SOCS2: variants seen among roughly 807,000 people sequenced by gnomAD.
SOCS2 encodes suppressor of cytokine signaling 2.
Under a neutral mutation model 18.6 loss-of-function variants are expected in SOCS2, and 10 were observed. The ratio of observed to expected loss-of-function variants is 0.54; its 90% CI spans 0.33 to 0.91. The LOEUF (loss-of-function observed/expected upper bound fraction) is 0.91. SOCS2 is among the 40% of genes least tolerant of loss of function. The probability of loss-of-function intolerance (pLI) is 0.02; values close to 1 mark genes in which losing one functional copy is unlikely to be tolerated. For synonymous variants in SOCS2, 104 were observed against 104.0 expected, an observed-to-expected ratio of 1.00 and a Z score of 0.00; for missense variants, 231 against 247.2, an observed-to-expected ratio of 0.93 and a Z score of 0.44.
chr12:93,573,034 CAGGT>C lies in SOCS2; in HGVS notation c.139+2_139+5del. The C allele has an allele frequency of 6.4e-7, 1 of 1,564,540 alleles. No individual in the cohort carries two copies. The highest frequency in any genetic ancestry group is 8.6e-7 in the Non-Finnish European group (1 of 1,159,726). Reference sequence around the variant, plus strand: ...AAGGCCCTGCGGGAGCTCGGTCAGACAGGTAGGGAGCCGATCGGCCGCGACGCGT... The same window carrying C: ...AAGGCCCTGCGGGAGCTCGGTCAGACAGGGAGCCGATCGGCCGCGACGCGT... On this transcript the variant is annotated splice_donor_variant and coding_sequence_variant, in exon 1 of 2. Transcript: ENST00000551556. LOFTEE classifies it high-confidence loss of function.
downstream of SOCS2, among the ~76,000 whole-genome samples, chr12:93,587,201 C>T (rs1034778722): frequency 1.3e-5 from 2 of 151,906 alleles, no homozygotes; most frequent in Non-Finnish European, 2.9e-5. Context: ...TAGTCCCCGA[C>T]CTCAAGGAGA....
chr12:93,612,149 A>G, the SOCS2 span, among the ~76,000 whole-genome samples: 1 of 152,168 alleles, frequency 6.6e-6, no homozygotes, highest in Middle Eastern at 3.2e-3. Flanking sequence ...ATGTATCTAA[A>G]CTGCTAAACA....
At chr12:93,593,220 G>A in the SOCS2 span, among the ~76,000 whole-genome samples, 5 of 152,118 alleles carry the variant, frequency 3.3e-5, no homozygotes, top group East Asian at 1.9e-4. Flanking sequence ...TTATTATCAC[G>A]CTGACCCGAC....
At chr12:93,581,651 T>G (rs996731641), downstream of SOCS2, among the ~76,000 whole-genome samples, 13 of 152,174 alleles carry the variant, frequency 8.5e-5, no homozygotes, top group Admixed American at 5.2e-4. Context: ...CGTTCATTTA[T>G]CTCATTAGTT....
chr12:93,590,375 A>G, the SOCS2 span, among the ~76,000 whole-genome samples: 1 of 152,202 alleles, frequency 6.6e-6, no homozygotes, highest in Non-Finnish European at 1.5e-5. Context: ...TTTTCCAATA[A>G]CATTTCTCAA....
the SOCS2 span, among the ~76,000 whole-genome samples, chr12:93,590,613 G>T: frequency 6.6e-6 from 1 of 151,334 alleles, no homozygotes; most frequent in Non-Finnish European, 1.5e-5. Flanking sequence ...TGGCCAACAT[G>T]GTGAAACCTG....
At chr12:93,621,099 A>G in the SOCS2 span, among the ~76,000 whole-genome samples, 1 of 152,132 alleles carries the variant, frequency 6.6e-6, no homozygotes, top group South Asian at 2.1e-4. Flanking sequence ...AGAGCTGAGC[A>G]TATACGTCCT....
At chr12:93,608,221 G>A in the SOCS2 span, among the ~76,000 whole-genome samples, 1 of 151,132 alleles carries the variant, frequency 6.6e-6, no homozygotes, top group Admixed American at 6.6e-5. Context: ...GGCTGGTCTC[G>A]AACTCCTGTC....
chr12:93,605,913 A>G, the SOCS2 span, among the ~76,000 whole-genome samples: 2 of 152,364 alleles, frequency 1.3e-5, no homozygotes, highest in African/African-American at 4.8e-5. Flanking sequence ...GATATTAGAC[A>G]GGGTATAGTT....
the SOCS2 span, among the ~76,000 whole-genome samples, chr12:93,590,783 C>CAA: frequency 4.8e-3 from 187 of 38,948 alleles, 48 homozygotes; most frequent in African/African-American, 7.8e-3. Context: ...GACTCCGCCT[C>CAA]AAAAAAAAAA....
upstream of SOCS2, chr12:93,570,983 G>A (rs1392721857): frequency 6.5e-6 from 1 of 153,908 alleles, no homozygotes; most frequent in African/African-American, 2.4e-5. Context: ...CGGGGAGCAA[G>A]GGAGGCGCGT....
chr12:93,595,741 T>A, the SOCS2 span, among the ~76,000 whole-genome samples: 1 of 152,240 alleles, frequency 6.6e-6, no homozygotes, highest in African/African-American at 2.4e-5. Flanking sequence ...GTTTGGTTAA[T>A]CTAATAGAGT....
At chr12:93,613,679 A>G in the SOCS2 span, among the ~76,000 whole-genome samples, 4 of 152,364 alleles carry the variant, frequency 2.6e-5, no homozygotes, top group South Asian at 2.1e-4. Context: ...GAAACGGAAC[A>G]GCATGCTGAA....
At chr12:93,573,516 G>T (rs1234101935) in intron 1 of SOCS2, 1 of 267,816 alleles carries the variant, frequency 3.7e-6, no homozygotes, top group African/African-American at 2.2e-5. Context: ...GGCTGCCCGG[G>T]CGTCGAGAGT....
At position 93,575,221 on chromosome 12, in the gene SOCS2, C is replaced by T. The variant is rs1387666638; in HGVS notation, c.*42C>T. The T allele has an allele frequency of 2.1e-6, 3 of 1,402,466 alleles. No individual in the cohort carries two copies. The South Asian group carries it at 4.5e-5, about 21-fold the overall frequency. 86.9% of individuals were successfully genotyped at this position (1,402,466 alleles called of 1,614,324 possible). ...AAACATGTCTCACATAGAGTATCTC[C>T]GAATGCAGCTATGTAAAAGAGAACC... On this transcript the variant is annotated 3_prime_UTR_variant, in exon 2 of 2. Coordinates refer to ENST00000551556, the MANE Select transcript of SOCS2 (RefSeq NM_001270471.2).
At chr12:93,588,414 T>C (rs1348572207), downstream of SOCS2, among the ~76,000 whole-genome samples, 2 of 152,190 alleles carry the variant, frequency 1.3e-5, no homozygotes, top group East Asian at 3.8e-4. Flanking sequence ...TATCTTTTGT[T>C]TTTATTTTAT....
At chr12:93,605,925 C>T in the SOCS2 span, among the ~76,000 whole-genome samples, 1 of 152,198 alleles carries the variant, frequency 6.6e-6, no homozygotes, top group African/African-American at 2.4e-5. Flanking sequence ...GGTATAGTTT[C>T]ATATGCCTGA....
downstream of SOCS2, among the ~76,000 whole-genome samples, chr12:93,587,310 G>C (rs1209164925): frequency 6.6e-6 from 1 of 152,224 alleles, no homozygotes. Flanking sequence ...CAGCTGAGCA[G>C]AGAAGACCTA....
chr12:93,595,816 C>T, the SOCS2 span, among the ~76,000 whole-genome samples: 1 of 152,156 alleles, frequency 6.6e-6, no homozygotes, highest in Non-Finnish European at 1.5e-5. Context: ...GTCACATCAA[C>T]AAAATGAGCT....
Sources: allele counts gnomAD v4.1 joint callset (sites outside exome capture counted in the v4.1 genomes callset), GRCh38; gene constraint gnomAD v4.1.1; transcripts MANE v1.5; gene names NCBI Gene and HGNC (gene_info 2026-07-23, HGNC 2026-07-21).